DOCK9: variants seen among roughly 807,000 people sequenced by gnomAD.
DOCK9 encodes dedicator of cytokinesis protein 9.
Under a neutral mutation model 263.3 loss-of-function variants are expected in DOCK9, and 89 were observed. The observed-to-expected ratio is 0.34, with a 90% CI of 0.28 to 0.40. DOCK9 has a LOEUF of 0.40. Among genes scored for constraint, DOCK9 ranks in the 10% least tolerant of loss-of-function variants. DOCK9 has a pLI of 1.00. For missense variants in DOCK9, 2,140 were observed against 2,603.4 expected (o/e 0.82, Z 3.87); for synonymous variants, 976 against 973.1 (o/e 1.00, Z -0.06).
At chr13:98,847,092 T>C (rs2093416015) in intron 37 of DOCK9, 1 of 156,978 alleles carries the variant, frequency 6.4e-6, no homozygotes, top group African/African-American at 2.4e-5. Context: ...AAAAATACGT[T>C]AACCATTTCA....
At chr13:98,971,876 G>C (rs1265515024) in intron 1 of DOCK9, among the ~76,000 whole-genome samples, 1 of 152,192 alleles carries the variant, frequency 6.6e-6, no homozygotes, top group Non-Finnish European at 1.5e-5. Context: ...TTCTTCACAT[G>C]ACCACCATTG....
chr13:98,804,726 G>C (rs2090492676), intron 49 of DOCK9, among the ~76,000 whole-genome samples: 1 of 152,158 alleles, frequency 6.6e-6, no homozygotes, highest in African/African-American at 2.4e-5. Context: ...GGCACATAAG[G>C]CACGCCATTT....
chr13:99,027,817 T>C (rs1407455059), intron 1 of DOCK9, among the ~76,000 whole-genome samples: 1 of 152,146 alleles, frequency 6.6e-6, no homozygotes, highest in Non-Finnish European at 1.5e-5. Flanking sequence ...GAAAAACCAC[T>C]GAATGTGCCA....
chr13:98,874,060 AG>A (rs1217417892), intron 27 of DOCK9, among the ~76,000 whole-genome samples: 8 of 152,228 alleles, frequency 5.3e-5, no homozygotes, highest in African/African-American at 1.9e-4. Context: ...AGACTTTAAA[AG>A]TCTACAGTTT....
At chr13:99,001,550 C>T (rs567884082) in intron 1 of DOCK9, among the ~76,000 whole-genome samples, 11 of 152,316 alleles carry the variant, frequency 7.2e-5, no homozygotes, top group South Asian at 4.2e-4. Flanking sequence ...TCAGAAGGCA[C>T]GCCTTAGGTG....
chr13:98,833,738 A>G (rs926437456), intron 39 of DOCK9, among the ~76,000 whole-genome samples: 6 of 152,246 alleles, frequency 3.9e-5, no homozygotes, highest in Non-Finnish European at 4.4e-5. Flanking sequence ...CTTTTGTCCC[A>G]GACACACCCC....
chr13:99,086,430 C>G, exon 1 of DOCK9: 1 of 904,694 alleles, frequency 1.1e-6, no homozygotes, highest in Non-Finnish European at 1.3e-6. Flanking sequence ...GCGCCCTCGG[C>G]GCCCGGCCCG....
intron 1 of DOCK9, among the ~76,000 whole-genome samples, chr13:99,080,215 G>C (rs1186030020): frequency 6.6e-6 from 1 of 152,048 alleles, no homozygotes; most frequent in East Asian, 1.9e-4. Context: ...TTACTGAATG[G>C]TAACTCACCA....
chr13:98,808,724 T>C (rs2140197909), intron 47 of DOCK9: 1 of 1,284,706 alleles, frequency 7.8e-7, no homozygotes, highest in Non-Finnish European at 1.1e-6. Flanking sequence ...GGTTATATAA[T>C]GCTCATAGAA....
At chr13:98,910,367 T>C (rs978296594) in intron 9 of DOCK9, among the ~76,000 whole-genome samples, 1 of 152,092 alleles carries the variant, frequency 6.6e-6, no homozygotes, top group Non-Finnish European at 1.5e-5. Context: ...TAATAGACAA[T>C]AGGAGGAAAA....
chr13:99,015,003 C>A (rs932716652), intron 1 of DOCK9, among the ~76,000 whole-genome samples: 1 of 151,420 alleles, frequency 6.6e-6, no homozygotes, highest in South Asian at 2.1e-4. Flanking sequence ...CTTTAAATTT[C>A]TCCCCCCCGC....
rs199617714 is a variant in DOCK9 at position 98,795,974 on chromosome 13, G to A, written c.6156+1141C>T. Among the ~76,000 whole-genome samples the A allele has an allele frequency of 6.3e-4, 96 of 152,116 alleles. 1 individual carries two copies. The East Asian group carries it at 0.014, about 22-fold the overall frequency. The stretch of plus-strand genomic sequence containing the variant: ...GGGTTTCACCATGTTGGCCAGGCTG[G>A]TCTCGAACTCCTGACCTCAGATGAT... On this transcript the variant is annotated intron_variant, in intron 52 of 52. Coordinates refer to ENST00000682017, the MANE Select transcript of DOCK9 (RefSeq NM_001366683.2).
intron 30 of DOCK9, 106 bp downstream of exon 30, chr13:98,867,318 GA>G: frequency 1.4e-6 from 1 of 733,208 alleles, no homozygotes; most frequent in Non-Finnish European, 2.2e-6. Flanking sequence ...ATTCATCAAT[GA>G]AAAAAATCAG....
At chr13:98,923,473 A>AG in intron 4 of DOCK9, 102 bp from the exon 5 acceptor site, 1 of 910,018 alleles carries the variant, frequency 1.1e-6, no homozygotes, top group Non-Finnish European at 1.8e-6. Context: ...CTAAATCCAA[A>AG]GATGGCCCAG....
At position 99,027,313 on chromosome 13, in the gene DOCK9, C is replaced by T. The variant is rs75583393; in HGVS notation, c.129+58910G>A. On this transcript the variant is annotated intron_variant, in intron 1 of 32. Transcript: ENST00000427887. Reference sequence around the variant, plus strand: ...GATTACAGGCATGAGCCACCACATCCGGCCTCATTTAATCTTCTAAACAAC... The same window carrying T: ...GATTACAGGCATGAGCCACCACATCTGGCCTCATTTAATCTTCTAAACAAC... 7.1e-3 allele frequency among the ~76,000 whole-genome samples: 1,087 copies of T among 152,270 alleles called. 12 individuals carry two copies. The highest frequency in any genetic ancestry group is 0.025 in the African/African-American group (1,050 of 41,556).
At chr13:98,902,572 A>T (rs2048459491) in intron 11 of DOCK9, 81 bp from the exon 12 acceptor site, 2 of 1,347,978 alleles carry the variant, frequency 1.5e-6, no homozygotes, top group African/African-American at 1.4e-5. Context: ...AGAAATGACA[A>T]GACCTATTTA....
intron 1 of DOCK9, among the ~76,000 whole-genome samples, chr13:98,986,292 A>C (rs1878425053): frequency 6.6e-6 from 1 of 152,216 alleles, no homozygotes; most frequent in South Asian, 2.1e-4. Context: ...TAGGTGATGG[A>C]GATGGACCAA....
At chr13:98,846,577 G>A (rs1322175049) in intron 37 of DOCK9, 4 of 1,351,460 alleles carry the variant, frequency 3.0e-6, no homozygotes, top group Non-Finnish European at 3.9e-6. Flanking sequence ...GTCAAGTAGA[G>A]AAAACAGAAG....
intron 15 of DOCK9, among the ~76,000 whole-genome samples, chr13:98,892,215 G>C (rs1176659893): frequency 6.6e-6 from 1 of 152,098 alleles, no homozygotes; most frequent in Non-Finnish European, 1.5e-5. Flanking sequence ...CTCTCTCTTA[G>C]GAAAATTTTC....
Sources: gnomAD v4.1 joint callset for allele counts (sites outside exome capture counted in the v4.1 genomes callset) on GRCh38, gnomAD v4.1.1 for gene constraint, MANE v1.5 for transcripts, NCBI Gene and HGNC (gene_info 2026-07-23, HGNC 2026-07-21) for gene names.